The following FAM120C variants were observed in gnomAD, a reference collection of about 807,000 sequenced individuals.
The protein encoded by FAM120C is constitutive coactivator of PPAR-gamma-like protein 2.
In FAM120C, 14 loss-of-function variants were observed where a neutral mutation model predicts 71.2. That is an observed-to-expected ratio of 0.20 (90% CI 0.13 to 0.31). The LOEUF (loss-of-function observed/expected upper bound fraction) is 0.31. FAM120C is among the 10% of genes least tolerant of loss of function. FAM120C has a pLI of 1.00. For missense variants in FAM120C, 500 were observed against 879.0 expected (o/e 0.57, Z 5.45); for synonymous variants, 354 against 353.2 (o/e 1.00, Z -0.03).
chrX:54,117,378 A>G (rs782295117), intron 9 of FAM120C, among the ~76,000 whole-genome samples: 2 of 98,869 alleles, frequency 2.0e-5, no homozygotes, highest in South Asian at 9.6e-4. Flanking sequence ...ATAAAATAAA[A>G]TAAAATAAAA....
chrX:54,166,666 AT>A (rs1557135204), intron 1 of FAM120C, among the ~76,000 whole-genome samples: 1 of 112,018 alleles, frequency 8.9e-6, no homozygotes, highest in African/African-American at 3.2e-5. Flanking sequence ...ACAGAACATT[AT>A]GCATAGTATG....
At chrX:54,137,109 C>T (rs916599197) in intron 4 of FAM120C, among the ~76,000 whole-genome samples, 1 of 110,639 alleles carries the variant, frequency 9.0e-6, no homozygotes, top group Admixed American at 9.7e-5. Context: ...TGTGCCACCA[C>T]GCCCAGCTAA....
At chrX:54,182,368 G>A in intron 1 of FAM120C, 132 bp downstream of exon 1, 1 of 769,466 alleles carries the variant, frequency 1.3e-6, no homozygotes, top group Non-Finnish European at 1.8e-6. Flanking sequence ...AGGCAGGTAG[G>A]TTAGCTGTTG....
intron 9 of FAM120C, among the ~76,000 whole-genome samples, chrX:54,118,170 C>T (rs1240549434): frequency 9.2e-5 from 10 of 108,834 alleles, no homozygotes; most frequent in African/African-American, 3.4e-4. Context: ...TTGCAATGAG[C>T]CAAGATTGTG....
intron 9 of FAM120C, among the ~76,000 whole-genome samples, chrX:54,117,165 C>T (rs2066972251): frequency 9.5e-6 from 1 of 105,675 alleles, no homozygotes; most frequent in African/African-American, 3.5e-5. Flanking sequence ...ACAAGACCAG[C>T]CCCGGCAAGA....
chrX:54,138,379 A>G (rs2067104911), intron 4 of FAM120C, among the ~76,000 whole-genome samples: 1 of 107,203 alleles, frequency 9.3e-6, no homozygotes, highest in African/African-American at 3.4e-5. Context: ...GTGTGCCTGT[A>G]GTCCCAGGCA....
At chrX:54,151,082 G>A (rs1194627746) in intron 4 of FAM120C, among the ~76,000 whole-genome samples, 163 bp downstream of exon 4, 3 of 111,770 alleles carry the variant, frequency 2.7e-5, no homozygotes, top group African/African-American at 9.8e-5. Context: ...AATCCAGGCT[G>A]TGTAATGTTT....
chrX:54,133,886 T>C lies in FAM120C; in HGVS notation c.1777A>G (p.Met593Val), dbSNP rs782075499. The C allele has an allele frequency of 8.3e-7, 1 of 1,211,346 alleles. No homozygotes were observed. Among genetic ancestry groups the C allele is most frequent in the Admixed American group, 2.2e-5 (1 of 45,907 alleles). Residue 593 changes from methionine to valine, a missense_variant, in exon 8 of 16, where the codon ATG (methionine) becomes GTG (valine). Physicochemically the swap from Met to Val is conservative, Grantham distance 21. Around this residue, in one of 11 missense-constraint regions of FAM120C, gnomAD observed 104 missense variants for 254.5 expected, o/e 0.41. Transcript: ENST00000375180. ...GGTAAGGGTGGAATGGTGATATCCA[T>C]GTGGTTCCTTGTAGACATAGACAGC... The part of the protein sequence containing the change: ...SLLSMSTRNH[M>V]DITIPPLPPV...
At chrX:54,077,974 C>T (rs907279439) in intron 15 of FAM120C, among the ~76,000 whole-genome samples, 4 of 80,783 alleles carry the variant, frequency 5.0e-5, no homozygotes, top group African/African-American at 1.4e-4. Context: ...GACGGAGTCT[C>T]GCTCTGTCGC....
At chrX:54,108,162 A>C (rs982740959) in intron 10 of FAM120C, among the ~76,000 whole-genome samples, 14 of 108,430 alleles carry the variant, frequency 1.3e-4, no homozygotes, top group Admixed American at 1.1e-3. Flanking sequence ...GAGAAAGTAT[A>C]ACAGAAACTA....
At chrX:54,158,622 A>G (rs1473567493) in intron 2 of FAM120C, among the ~76,000 whole-genome samples, 1 of 111,375 alleles carries the variant, frequency 9.0e-6, no homozygotes, top group East Asian at 2.8e-4. Flanking sequence ...TATAAAAATT[A>G]GCTGGGCATG....
At chrX:54,125,884 T>A (rs1285173924) in intron 9 of FAM120C, among the ~76,000 whole-genome samples, 2 of 112,571 alleles carry the variant, frequency 1.8e-5, no homozygotes, top group African/African-American at 6.4e-5. Flanking sequence ...TTTATTAAGA[T>A]CTTTGATTTC....
chrX:54,075,259 A>G (rs1603351021), intron 15 of FAM120C, among the ~76,000 whole-genome samples: 1 of 112,197 alleles, frequency 8.9e-6, no homozygotes, highest in African/African-American at 3.2e-5. Context: ...AATTTTATAG[A>G]TGAGAAAACT....
intron 13 of FAM120C, among the ~76,000 whole-genome samples, chrX:54,084,210 A>G (rs1455475011): frequency 8.9e-6 from 1 of 111,785 alleles, no homozygotes; most frequent in East Asian, 2.8e-4. Context: ...CTTACAAAAT[A>G]AAATCAACAC....
intron 15 of FAM120C, among the ~76,000 whole-genome samples, chrX:54,074,342 G>A (rs1271404569): frequency 3.6e-5 from 4 of 111,629 alleles, no homozygotes; most frequent in Admixed American, 9.5e-5. Flanking sequence ...ACTGCCCAAC[G>A]CTGACAATTG....
chrX:54,069,520 TG>T lies in FAM120C; in HGVS notation c.*3512del, dbSNP rs1398907213. On this transcript the variant is annotated 3_prime_UTR_variant, in exon 16 of 16. Transcript: ENST00000375180. ...GGAGCCTTGTAAGGTTCCAAAGGAC[TG>T]GATCACCATAACCAAACAGCTACCC... 1 of 110,832 alleles carries T rather than the reference TG, an allele frequency of 9.0e-6. No homozygotes were observed. The highest frequency in any genetic ancestry group is 1.9e-5 in the Non-Finnish European group (1 of 52,939). 9.1% of individuals were successfully genotyped at this position (110,832 alleles called of 1,213,427 possible).
At chrX:54,158,747 C>T (rs782184704) in intron 2 of FAM120C, among the ~76,000 whole-genome samples, 14 of 110,542 alleles carry the variant, frequency 1.3e-4, no homozygotes, top group South Asian at 3.9e-4. Flanking sequence ...CCAGCCTGGG[C>T]GACACAGCGA....
At chrX:54,112,531 C>A (rs1286624927) in intron 10 of FAM120C, among the ~76,000 whole-genome samples, 1 of 109,518 alleles carries the variant, frequency 9.1e-6, no homozygotes, top group African/African-American at 3.3e-5. Flanking sequence ...CATGGAGAAA[C>A]CCCGTCTCTA....
At chrX:54,168,143 A>C (rs1402969662) in intron 1 of FAM120C, among the ~76,000 whole-genome samples, 6 of 111,189 alleles carry the variant, frequency 5.4e-5, no homozygotes, top group Non-Finnish European at 9.4e-5. Context: ...TCTACTTTTT[A>C]AAATTTTTAT....
Sources: gnomAD v4.1 joint callset for allele counts (sites outside exome capture counted in the v4.1 genomes callset) on GRCh38, gnomAD v4.1.1 for gene constraint, gnomAD v4.1.1 regional missense constraint, MANE v1.5 for transcripts, NCBI Gene and HGNC (gene_info 2026-07-23, HGNC 2026-07-21) for gene names.